Variants in ST3GAL3 observed in about 807,000 individuals in gnomAD.
ST3GAL3 encodes CMP-N-acetylneuraminate-beta-1,4-galactoside alpha-2,3-sialyltransferase.
A neutral mutation model predicts 50.1 loss-of-function variants in ST3GAL3; 21 were observed. The observed-to-expected ratio is 0.42, with a 90% confidence interval of 0.30 to 0.60. The LOEUF (loss-of-function observed/expected upper bound fraction) is 0.60, where lower values mean the gene tolerates loss of function less well. ST3GAL3 is among the 20% of genes least tolerant of loss of function. ST3GAL3 has a pLI of 0.19. For missense variants in ST3GAL3, 353 were observed against 489.4 expected, an observed-to-expected ratio of 0.72 and a Z score of 2.63; for synonymous variants, 183 against 190.0, an observed-to-expected ratio of 0.96 and a Z score of 0.30.
At chr1:43,757,577 A>T (rs1463087825) in intron 2 of ST3GAL3, among the ~76,000 whole-genome samples, 1 of 152,216 alleles carries the variant, frequency 6.6e-6, no homozygotes, top group Non-Finnish European at 1.5e-5. Flanking sequence ...CTTTTCAATA[A>T]CTGGTTGCAC....
rs35726867 is a variant in ST3GAL3 at position 43,778,644 on chromosome 1, C to CTTTTTTTTT, written c.119-13447_119-13439dup. On this transcript the variant is annotated intron_variant, in intron 2 of 11. Transcript: ENST00000347631. ...GCATCCAGATTTCTTTTCTTTTTTT[C>CTTTTTTTTT]TTTTTTTTTTTTTTTTTTTGAGACG... Among the ~76,000 whole-genome samples the CTTTTTTTTT allele has an allele frequency of 4.6e-3, 548 of 118,618 alleles. 3 individuals carry two copies. Among genetic ancestry groups the CTTTTTTTTT allele is most frequent in the Middle Eastern group, 9.2e-3 (2 of 218 alleles). 77.8% of individuals were successfully genotyped at this position (118,618 alleles called of 152,430 possible). A position where few individuals can be genotyped will look rare whatever the true frequency, so the allele number is the denominator to read the frequency against.
chr1:43,844,782 G>A (rs972645624), intron 5 of ST3GAL3, among the ~76,000 whole-genome samples: 21 of 151,482 alleles, frequency 1.4e-4, no homozygotes, highest in South Asian at 2.1e-4. Context: ...AGCCAAGATC[G>A]TGCCACTGCA....
At position 43,930,481 on chromosome 1, in the gene ST3GAL3, TG is replaced by T; in HGVS notation, c.*263del. The stretch of plus-strand genomic sequence containing the variant: ...CCCAGCAGGCCCAGCATGCAGGTGG[TG>T]GGACACTGGGCAGCAAGGCTGCTGC... On this transcript the variant is annotated 3_prime_UTR_variant, in exon 12 of 12. Coordinates refer to ENST00000347631, the MANE Select transcript of ST3GAL3 (RefSeq NM_006279.5). 1.7e-6 allele frequency: 1 copy of T among 575,732 alleles called. No homozygotes were observed. The highest frequency in any genetic ancestry group is 1.9e-5 in the African/African-American group (1 of 53,410). 35.7% of individuals were successfully genotyped at this position (575,732 alleles called of 1,614,324 possible). A position where few individuals can be genotyped will look rare whatever the true frequency, so the allele number is the denominator to read the frequency against.
chr1:43,866,647 A>G (rs1289883738), intron 5 of ST3GAL3, among the ~76,000 whole-genome samples: 1 of 151,984 alleles, frequency 6.6e-6, no homozygotes, highest in Non-Finnish European at 1.5e-5. Flanking sequence ...TAGGTCTTCT[A>G]GACAGAGGGA....
chr1:43,757,211 G>C (rs1688461468), intron 2 of ST3GAL3, among the ~76,000 whole-genome samples: 1 of 152,066 alleles, frequency 6.6e-6, no homozygotes, highest in African/African-American at 2.4e-5. Flanking sequence ...GGCCCCCAAT[G>C]TGTTTTAAAA....
chr1:43,747,268 C>T (rs996392135), intron 2 of ST3GAL3, among the ~76,000 whole-genome samples: 14 of 151,904 alleles, frequency 9.2e-5, no homozygotes, highest in Admixed American at 2.0e-4. Context: ...ATTAGCCTGC[C>T]GGACATGGTG....
At chr1:43,921,441 A>C (rs960401332) in intron 11 of ST3GAL3, 2 of 407,570 alleles carry the variant, frequency 4.9e-6, no homozygotes, top group South Asian at 2.3e-4. Context: ...CTCCCTCCCT[A>C]GCCAAGACCC....
intron 4 of ST3GAL3, among the ~76,000 whole-genome samples, chr1:43,834,818 A>C (rs1385281758): frequency 1.3e-5 from 2 of 152,164 alleles, no homozygotes; most frequent in Non-Finnish European, 2.9e-5. Context: ...TTGGAATTAC[A>C]TGGTTTCCAC....
intron 9 of ST3GAL3, among the ~76,000 whole-genome samples, chr1:43,904,855 CT>C (rs1250015079): frequency 2.7e-5 from 4 of 148,828 alleles, no homozygotes; most frequent in Admixed American, 6.7e-5. Context: ...TCCTGCCACT[CT>C]TCCTCCTCCT....
chr1:43,817,583 C>CTTCG, intron 4 of ST3GAL3, among the ~76,000 whole-genome samples: 1 of 74,152 alleles, frequency 1.3e-5, no homozygotes, highest in East Asian at 3.2e-4. Flanking sequence ...TCTCCTTCTC[C>CTTCG]TCCTTCTCCT....
At chr1:43,927,967 A>G (rs982805867) in intron 11 of ST3GAL3, among the ~76,000 whole-genome samples, 4 of 152,154 alleles carry the variant, frequency 2.6e-5, no homozygotes, top group Non-Finnish European at 4.4e-5. Context: ...TGGGTTTGTG[A>G]TTAGCACAAG....
At chr1:43,913,942 G>A (rs2081359262) in intron 9 of ST3GAL3, 1 of 152,352 alleles carries the variant, frequency 6.6e-6, no homozygotes, top group African/African-American at 2.4e-5. Flanking sequence ...CCGCCATGCA[G>A]AGGCAGCAAC....
intron 1 of ST3GAL3, chr1:43,720,475 T>G (rs1344970309): frequency 6.6e-6 from 1 of 152,226 alleles, no homozygotes; most frequent in African/African-American, 2.4e-5. Context: ...TCTTACAGTT[T>G]TGGAGGCTGG....
At chr1:43,764,472 C>T (rs1691786334) in intron 2 of ST3GAL3, among the ~76,000 whole-genome samples, 2 of 151,852 alleles carry the variant, frequency 1.3e-5, no homozygotes, top group African/African-American at 4.8e-5. Context: ...GGGAAGCAAA[C>T]TCTGAGATAA....
At chr1:43,784,729 C>T (rs2057068162) in intron 2 of ST3GAL3, among the ~76,000 whole-genome samples, 1 of 152,210 alleles carries the variant, frequency 6.6e-6, no homozygotes, top group South Asian at 2.1e-4. Context: ...AACTTCTTGA[C>T]ATAAGTATAC....
At position 43,876,825 on chromosome 1, in the gene ST3GAL3, A is replaced by C. The variant is rs972349773; in HGVS notation, c.303-17558A>C. 2.6e-5 allele frequency among the ~76,000 whole-genome samples: 4 copies of C among 152,178 alleles called. No individual in the cohort carries two copies. The South Asian group carries it at 8.3e-4, about 31-fold the overall frequency. Reference sequence around the variant, plus strand: ...GGTCCCTATCCAGTGGGCAGGGCCCATTGTTGTAGCTATTCATTCATTCAT... The same window carrying C: ...GGTCCCTATCCAGTGGGCAGGGCCCCTTGTTGTAGCTATTCATTCATTCAT... On this transcript the variant is annotated intron_variant, in intron 5 of 11. Transcript: ENST00000347631.
At chr1:43,781,242 C>A (rs949216765) in intron 2 of ST3GAL3, among the ~76,000 whole-genome samples, 12 of 152,130 alleles carry the variant, frequency 7.9e-5, no homozygotes, top group Admixed American at 2.0e-4. Context: ...TAAATCAGGT[C>A]AGCAAACTGT....
intron 4 of ST3GAL3, among the ~76,000 whole-genome samples, chr1:43,817,871 C>T (rs2061607989): frequency 1.4e-5 from 2 of 138,818 alleles, no homozygotes; most frequent in South Asian, 4.8e-4. Context: ...CCTCTTCCTC[C>T]TCCTCCTCCT....
intron 1 of ST3GAL3, among the ~76,000 whole-genome samples, chr1:43,725,532 G>T (rs1268459745): frequency 1.3e-5 from 2 of 152,172 alleles, no homozygotes; most frequent in Non-Finnish European, 2.9e-5. Context: ...GGGAGGCCAA[G>T]TGCAGTCCCA....
Sources: allele counts gnomAD v4.1 joint callset (sites outside exome capture counted in the v4.1 genomes callset), GRCh38; gene constraint gnomAD v4.1.1; transcripts MANE v1.5; gene names NCBI Gene and HGNC (gene_info 2026-07-23, HGNC 2026-07-21).